The following ANAPC1 variants were observed in gnomAD, a reference collection of about 807,000 sequenced individuals.
ANAPC1 encodes the protein anaphase promoting complex subunit 1, also known as anaphase-promoting complex subunit 1.
A neutral mutation model predicts 208.0 loss-of-function variants in ANAPC1; 36 were observed. The observed-to-expected ratio is 0.17, with a 90% CI of 0.13 to 0.23. ANAPC1 has a LOEUF of 0.23. Among genes scored for constraint, ANAPC1 ranks in the 10% least tolerant of loss-of-function variants. The pLI, the probability that ANAPC1 is intolerant of heterozygous loss-of-function variation, is 1.00. For synonymous variants in ANAPC1, 378 were observed against 695.2 expected, an observed-to-expected ratio of 0.54 and a Z score of 7.18; for missense variants, 942 against 2,011.6, an observed-to-expected ratio of 0.47 and a Z score of 10.17.
At position 111,858,226 on chromosome 2, in the gene ANAPC1, A is replaced by T. The variant is rs186725496; in HGVS notation, c.1358+80T>A. The T allele has an allele frequency of 4.2e-3, 4,503 of 1,071,390 alleles. 136 individuals are homozygous for T. The African/African-American group carries it at 0.066, about 16-fold the overall frequency. 66.4% of individuals were successfully genotyped at this position (1,071,390 alleles called of 1,614,324 possible). On this transcript the variant is annotated intron_variant, in intron 11 of 47. Transcript: ENST00000341068. ...TTTCTAAATAAAACTACTTAAGCCA[A>T]AAAAAAAAGGAAAGAAAAGAAAAAG...
At chr2:111,833,333 A>T in intron 19 of ANAPC1, 22 bp from the exon 20 acceptor site, 1 of 1,559,766 alleles carries the variant, frequency 6.4e-7, no homozygotes, top group Non-Finnish European at 8.8e-7. Flanking sequence ...AGGGCATGTA[A>T]AAAAGAAGGT....
intron 8 of ANAPC1, 75 bp downstream of exon 8, chr2:111,864,731 A>G: frequency 6.3e-7 from 1 of 1,596,882 alleles, no homozygotes; most frequent in Non-Finnish European, 8.5e-7. Flanking sequence ...CCAAAATGCT[A>G]GGATTACAGG....
In ANAPC1 at chr2:111,819,315, T is replaced by G. The variant is rs1335307398; in HGVS notation, c.3207-357A>C. Reference sequence around the variant, plus strand: ...TTCTCAAAGGAAAATACAGTACTTTTGGGGTTTTTATCACTGTGTTAATTT... The same window carrying G: ...TTCTCAAAGGAAAATACAGTACTTTGGGGGTTTTTATCACTGTGTTAATTT... On this transcript the variant is annotated intron_variant, in intron 26 of 47. Coordinates refer to ENST00000341068, the MANE Select transcript of ANAPC1 (RefSeq NM_022662.4). 10 of 924,590 alleles carry G rather than the reference T, an allele frequency of 1.1e-5. No individual in the cohort carries two copies. The South Asian group carries it at 4.5e-4, about 42-fold the overall frequency. 57.3% of individuals were successfully genotyped at this position (924,590 alleles called of 1,614,324 possible).
At chr2:111,784,027 G>A in intron 41 of ANAPC1, 63 bp from the exon 42 acceptor site, 1 of 738,250 alleles carries the variant, frequency 1.4e-6, no homozygotes, top group Non-Finnish European at 2.3e-6. Context: ...CTGACAAACT[G>A]AAACCTATGT....
At position 111,883,784 on chromosome 2, in the gene ANAPC1, C is replaced by G. The variant is rs556419726; in HGVS notation, c.-25+158G>C. On this transcript the variant is annotated intron_variant, in intron 1 of 47. Coordinates refer to ENST00000341068, the MANE Select transcript of ANAPC1 (RefSeq NM_022662.4). ...CCCGCAGGCCAGGAGCGCCCGCAGGCCCCCTCAGCCCCGGAGCACGCTCAA... is the reference window on the plus strand; with the variant it reads ...CCCGCAGGCCAGGAGCGCCCGCAGGGCCCCTCAGCCCCGGAGCACGCTCAA... Among the ~76,000 whole-genome samples the G allele has an allele frequency of 1.1e-3, 160 of 152,350 alleles. 1 individual carries two copies. The South Asian group carries it at 0.021, about 20-fold the overall frequency.
In ANAPC1 at chr2:111,879,590, G is replaced by C. The variant is rs567489932; in HGVS notation, c.214-619C>G. Among the ~76,000 whole-genome samples the C allele has an allele frequency of 2.6e-5, 4 of 152,122 alleles. No homozygotes were observed. In the East Asian group the frequency reaches 7.7e-4, roughly 29 times the overall value. On this transcript the variant is annotated intron_variant, in intron 2 of 47. Coordinates refer to ENST00000341068, the MANE Select transcript of ANAPC1 (RefSeq NM_022662.4). ...TTCCTCTACTTAAGAACTATTACTC[G>C]CCGGGTGTGGTGGCTCACGCCTGTA...
At chr2:111,851,477 C>T (rs1681391994) in intron 13 of ANAPC1, among the ~76,000 whole-genome samples, 1 of 152,016 alleles carries the variant, frequency 6.6e-6, no homozygotes, top group Admixed American at 6.6e-5. Context: ...AAAATCTGCA[C>T]ACTATGTACT....
chr2:111,863,588 T>TC, intron 9 of ANAPC1, 87 bp downstream of exon 9: 2 of 1,285,924 alleles, frequency 1.6e-6, no homozygotes, highest in Non-Finnish European at 2.2e-6. Flanking sequence ...TAAATATATT[T>TC]CCCCTAAAAA....
At chr2:111,881,005 G>T (rs1240323322) in intron 1 of ANAPC1, 156 bp from the exon 2 acceptor site, 15 of 631,244 alleles carry the variant, frequency 2.4e-5, no homozygotes, top group Non-Finnish European at 2.7e-6. Context: ...GGGCATTCTA[G>T]ATCTGATTCA....
chr2:111,827,348 T>C (rs373166137), intron 21 of ANAPC1, among the ~76,000 whole-genome samples: 31 of 152,122 alleles, frequency 2.0e-4, no homozygotes, highest in African/African-American at 7.5e-4. Flanking sequence ...ATACATAAAG[T>C]TCCTTGAAGA....
intron 8 of ANAPC1, among the ~76,000 whole-genome samples, 196 bp from the exon 9 acceptor site, chr2:111,864,091 G>T (rs577783075): frequency 1.3e-5 from 2 of 152,204 alleles, no homozygotes; most frequent in African/African-American, 4.8e-5. Flanking sequence ...CTTTGGGAGG[G>T]TGAGGAGAGA....
intron 27 of ANAPC1, among the ~76,000 whole-genome samples, chr2:111,817,584 A>C (rs1679305309): frequency 6.6e-6 from 1 of 152,030 alleles, no homozygotes; most frequent in African/African-American, 2.4e-5. Flanking sequence ...TGGAGATGGG[A>C]ATGTGTTCTT....
intron 28 of ANAPC1, among the ~76,000 whole-genome samples, chr2:111,811,116 T>G (rs979268728): frequency 2.0e-5 from 3 of 152,122 alleles, no homozygotes; most frequent in African/African-American, 7.2e-5. Flanking sequence ...CAAGGGTACA[T>G]CCGAAGGACC....
chr2:111,783,771 C>T, intron 42 of ANAPC1, 126 bp downstream of exon 42: 1 of 617,990 alleles, frequency 1.6e-6, no homozygotes, highest in Non-Finnish European at 2.9e-6. Context: ...ACATACCCTA[C>T]ATATAGTCTT....
chr2:111,876,671 A>C (rs1683040139), intron 3 of ANAPC1, among the ~76,000 whole-genome samples: 1 of 152,214 alleles, frequency 6.6e-6, no homozygotes. Flanking sequence ...CAGGACACAA[A>C]TGCTTTCACA....
intron 6 of ANAPC1, 58 bp downstream of exon 6, chr2:111,872,572 A>C (rs1429443967): frequency 6.9e-7 from 1 of 1,440,838 alleles, no homozygotes; most frequent in African/African-American, 1.4e-5. Flanking sequence ...AAACCTCAGA[A>C]CCAACACAAA....
chr2:111,866,355 G>A (rs1415415337), intron 7 of ANAPC1: 22 of 279,786 alleles, frequency 7.9e-5, no homozygotes, highest in South Asian at 2.8e-4. Flanking sequence ...CAGAAAAGTC[G>A]TCAGGAATCC....
intron 15 of ANAPC1, 42 bp from the exon 16 acceptor site, chr2:111,847,240 T>TCTAA (rs1246330690): frequency 6.7e-7 from 1 of 1,498,290 alleles, no homozygotes; most frequent in Non-Finnish European, 9.2e-7. Flanking sequence ...ATCTGTGCAT[T>TCTAA]CTAAGTCTTT....
chr2:111,837,946 A>G (rs1243343457), intron 18 of ANAPC1, among the ~76,000 whole-genome samples: 6 of 151,146 alleles, frequency 4.0e-5, no homozygotes, highest in Admixed American at 2.6e-4. Flanking sequence ...TTAGCTGGGC[A>G]TGGTGGCGGG....
Sources: allele counts gnomAD v4.1 joint callset (sites outside exome capture counted in the v4.1 genomes callset), GRCh38; gene constraint gnomAD v4.1.1; transcripts MANE v1.5; gene names NCBI Gene and HGNC (gene_info 2026-07-23, HGNC 2026-07-21).